Variants in CUX2 observed in about 807,000 individuals in gnomAD.
CUX2 encodes the protein homeobox protein cut-like 2.
CUX2 carries 40 observed loss-of-function variants against 144.8 expected under a neutral mutation model. The ratio of observed to expected loss-of-function variants is 0.28; its 90% CI spans 0.21 to 0.36. The LOEUF (loss-of-function observed/expected upper bound fraction) is 0.36, where lower values mean the gene tolerates loss of function less well. Among genes scored for constraint, CUX2 ranks in the 10% least tolerant of loss-of-function variants. The probability of loss-of-function intolerance (pLI) is 1.00; values close to 1 mark genes in which losing one functional copy is unlikely to be tolerated. For synonymous variants in CUX2, 827 were observed against 875.6 expected (o/e 0.94, Z 0.98); for missense variants, 1,615 against 1,994.0 (o/e 0.81, Z 3.62).
intron 3 of CUX2, among the ~76,000 whole-genome samples, chr12:111,253,357 C>A (rs1883664605): frequency 1.3e-5 from 2 of 151,898 alleles, no homozygotes; most frequent in African/African-American, 4.8e-5. Flanking sequence ...CATCTCCCGC[C>A]ACACCAGCCT....
intron 1 of CUX2, among the ~76,000 whole-genome samples, chr12:111,136,942 CT>C (rs111985672): frequency 3.2e-3 from 460 of 143,836 alleles, no homozygotes; most frequent in Non-Finnish European, 3.2e-3. Context: ...TTTTTTATGG[CT>C]TTTTTTTTTT....
chr12:111,340,722 A>G (rs1241663895), intron 20 of CUX2, among the ~76,000 whole-genome samples: 2 of 152,224 alleles, frequency 1.3e-5, no homozygotes, highest in African/African-American at 2.4e-5. Context: ...TTTAGCCTAA[A>G]TATTTGCCCT....
chr12:111,257,751 C>A (rs1883914904), intron 3 of CUX2, among the ~76,000 whole-genome samples: 1 of 147,878 alleles, frequency 6.8e-6, no homozygotes. Flanking sequence ...TTCTTCTCCT[C>A]TTCCTCCCTC....
chr12:111,054,569 C>G (rs1174125538), intron 1 of CUX2, among the ~76,000 whole-genome samples: 2 of 152,120 alleles, frequency 1.3e-5, no homozygotes, highest in Non-Finnish European at 2.9e-5. Context: ...GCTTATGTGA[C>G]TCTAAGTACT....
At chr12:111,069,898 A>G (rs1053327944) in intron 1 of CUX2, among the ~76,000 whole-genome samples, 1 of 152,140 alleles carries the variant, frequency 6.6e-6, no homozygotes, top group Non-Finnish European at 1.5e-5. Context: ...AAAAGTCACC[A>G]TGCCTAGGTG....
At chr12:111,167,698 G>T (rs1459232504) in intron 1 of CUX2, among the ~76,000 whole-genome samples, 7 of 138,762 alleles carry the variant, frequency 5.0e-5, no homozygotes, top group African/African-American at 9.0e-5. Context: ...TTGTTTGTTT[G>T]TTTGTTTCTT....
rs532945023 is a variant in CUX2 at position 111,122,321 on chromosome 12, G to A, written c.63+88081G>A. ...CAAGTAGTTTCTAGAGTAAGGATGG[G>A]CTAAGCTGTTTTAATTTCTTGCAAG... On this transcript the variant is annotated intron_variant, in intron 1 of 21. Coordinates refer to ENST00000261726, the MANE Select transcript of CUX2 (RefSeq NM_015267.4). 3.9e-5 allele frequency among the ~76,000 whole-genome samples: 6 copies of A among 152,264 alleles called. No individual in the cohort carries two copies. The South Asian group carries it at 8.3e-4, about 21-fold the overall frequency.
At position 111,320,511 on chromosome 12, in the gene CUX2, C is replaced by G. The variant is rs1475237735; in HGVS notation, c.2502C>G (p.Pro834=). The G allele has an allele frequency of 1.3e-6, 2 of 1,576,468 alleles. No individual in the cohort carries two copies. The highest frequency in any genetic ancestry group is 2.7e-5 in the African/African-American group (2 of 73,524). The change falls in exon 17 of 22, where the codon CCC becomes CCG. Residue 834 remains proline, a synonymous_variant. Coordinates refer to ENST00000261726, the MANE Select transcript of CUX2 (RefSeq NM_015267.4). This position sits in a 1 kb window ranked among gnomAD's most constrained non-coding sequence, Gnocchi z 8.1. The part of the protein sequence containing the change: ...WPRGDEAPVP[P]EDEAAAGAED... ...GCGGGGACGAGGCCCCTGTGCCCCC[C>G]GAGGACGAGGCGGCGGCAGGGGCGG...
intron 3 of CUX2, among the ~76,000 whole-genome samples, chr12:111,229,248 G>A (rs1882338979): frequency 6.6e-6 from 1 of 152,204 alleles, no homozygotes; most frequent in Admixed American, 6.5e-5. Flanking sequence ...GAGGCAGAGG[G>A]GCTGGACTGC....
intron 9 of CUX2, among the ~76,000 whole-genome samples, chr12:111,301,340 C>T (rs1193406512): frequency 6.6e-6 from 1 of 152,076 alleles, no homozygotes; most frequent in East Asian, 1.9e-4. Context: ...TAAGTTTGTA[C>T]TCTAGGCGAG....
intron 3 of CUX2, among the ~76,000 whole-genome samples, chr12:111,239,994 A>C (rs1305870442): frequency 6.6e-6 from 1 of 152,226 alleles, no homozygotes; most frequent in Non-Finnish European, 1.5e-5. Context: ...CGGCCAAGTG[A>C]GCTTCACAGC....
At chr12:111,088,552 G>A (rs879435783) in intron 1 of CUX2, among the ~76,000 whole-genome samples, 2 of 152,092 alleles carry the variant, frequency 1.3e-5, no homozygotes, top group African/African-American at 2.4e-5. Flanking sequence ...TCATAGCAGC[G>A]GACTGAATCC....
intron 1 of CUX2, among the ~76,000 whole-genome samples, chr12:111,177,855 T>C (rs1878947638): frequency 1.3e-5 from 2 of 152,254 alleles, no homozygotes; most frequent in East Asian, 3.8e-4. Flanking sequence ...TCTGTGGACC[T>C]CAGTTTCCTC....
chr12:111,179,587 C>A (rs1022025035), intron 1 of CUX2, among the ~76,000 whole-genome samples: 10 of 147,946 alleles, frequency 6.8e-5, no homozygotes, highest in Non-Finnish European at 1.3e-4. Context: ...TCTGAGCCAT[C>A]GCCGTGGTTG....
chr12:111,203,159 G>C (rs1290947655), intron 1 of CUX2, among the ~76,000 whole-genome samples: 11 of 149,872 alleles, frequency 7.3e-5, no homozygotes, highest in Non-Finnish European at 5.9e-5. Context: ...TTGAACCCAG[G>C]AGGCGGAGGT....
At chr12:111,045,004 C>T (rs1304534886) in intron 1 of CUX2, among the ~76,000 whole-genome samples, 1 of 152,194 alleles carries the variant, frequency 6.6e-6, no homozygotes. Context: ...AGGCCATAAG[C>T]GATGATTTGG....
At chr12:111,200,811 G>A (rs556478376) in intron 1 of CUX2, among the ~76,000 whole-genome samples, 2 of 152,138 alleles carry the variant, frequency 1.3e-5, no homozygotes, top group South Asian at 2.1e-4. Flanking sequence ...TCACCCCTAC[G>A]AAAATTTTCT....
chr12:111,302,102 G>A (rs1021464429), intron 9 of CUX2, among the ~76,000 whole-genome samples: 1 of 152,158 alleles, frequency 6.6e-6, no homozygotes, highest in Non-Finnish European at 1.5e-5. Flanking sequence ...GGCAAGATAC[G>A]TATAAATAAA....
At chr12:111,121,713 G>T (rs144478490) in intron 1 of CUX2, among the ~76,000 whole-genome samples, 2 of 152,110 alleles carry the variant, frequency 1.3e-5, no homozygotes, top group African/African-American at 2.4e-5. Flanking sequence ...GGACTTTTAA[G>T]AAAAACAGGA....
Sources: allele counts gnomAD v4.1 joint callset (sites outside exome capture counted in the v4.1 genomes callset), GRCh38; gene constraint gnomAD v4.1.1; non-coding constraint Gnocchi (gnomAD v3.1); transcripts MANE v1.5; gene names NCBI Gene and HGNC (gene_info 2026-07-23, HGNC 2026-07-21).